GPHN: variants seen among roughly 807,000 people sequenced by gnomAD.
GPHN encodes gephyrin.
In GPHN, 17 loss-of-function variants were observed where a neutral mutation model predicts 95.5. The ratio of observed to expected loss-of-function variants is 0.18; its 90% CI spans 0.12 to 0.27. GPHN has a LOEUF of 0.27. Among genes scored for constraint, GPHN ranks in the 10% least tolerant of loss-of-function variants. The pLI is 1.00. For synonymous variants in GPHN, 320 were observed against 322.5 expected (o/e 0.99, Z 0.08); for missense variants, 660 against 978.1 (o/e 0.67, Z 4.34).
At chr14:66,732,573 A>G (rs1041210679) in intron 2 of GPHN, among the ~76,000 whole-genome samples, 10 of 152,226 alleles carry the variant, frequency 6.6e-5, no homozygotes, top group African/African-American at 1.7e-4. Context: ...CTGGAGTGCA[A>G]TGGCACAATC....
chr14:67,659,718 A>G, the GPHN span: 15 of 1,577,562 alleles, frequency 9.5e-6, no homozygotes, highest in Non-Finnish European at 1.1e-5. Context: ...CAAACAAAAC[A>G]GCTAAAACTT....
At chr14:67,592,668 T>A in the GPHN span, 19 of 1,608,998 alleles carry the variant, frequency 1.2e-5, no homozygotes, top group South Asian at 1.7e-4. Flanking sequence ...ATATCCCATG[T>A]GGTTCCACTG....
chr14:67,565,637 G>A, the GPHN span, among the ~76,000 whole-genome samples: 3 of 152,142 alleles, frequency 2.0e-5, no homozygotes, highest in South Asian at 6.2e-4. Context: ...TGATTCATGG[G>A]CAGACATCCC....
At chr14:67,360,008 G>A in the GPHN span, 16 of 531,186 alleles carry the variant, frequency 3.0e-5, no homozygotes, top group Middle Eastern at 4.8e-4. Context: ...CGCAATACGC[G>A]GCACGCGCCA....
intron 9 of GPHN, among the ~76,000 whole-genome samples, chr14:67,004,957 G>A (rs1170284363): frequency 2.6e-5 from 4 of 151,548 alleles, no homozygotes; most frequent in African/African-American, 7.3e-5. Flanking sequence ...TCATTTAATC[G>A]GCTTTATTGA....
At chr14:67,563,021 G>A in the GPHN span, 1 of 945,494 alleles carries the variant, frequency 1.1e-6, no homozygotes, top group South Asian at 1.7e-5. Flanking sequence ...CTGGCAGGCA[G>A]GTACCATGGA....
intron 1 of GPHN, among the ~76,000 whole-genome samples, chr14:66,542,391 T>G (rs2059383636): frequency 1.3e-5 from 2 of 152,230 alleles, no homozygotes; most frequent in Admixed American, 6.5e-5. Flanking sequence ...CTGATGATTT[T>G]GGTTCCTACC....
chr14:67,324,375 T>C, the GPHN span, among the ~76,000 whole-genome samples: 1 of 152,214 alleles, frequency 6.6e-6, no homozygotes, highest in Non-Finnish European at 1.5e-5. Flanking sequence ...ATATGTAAGA[T>C]GGTAACTCTG....
intron 1 of GPHN, among the ~76,000 whole-genome samples, chr14:66,553,816 C>T (rs1016343145): frequency 6.6e-6 from 1 of 152,126 alleles, no homozygotes; most frequent in Non-Finnish European, 1.5e-5. Flanking sequence ...ACCTCATGAT[C>T]CTCCTGCCTC....
intron 5 of GPHN, among the ~76,000 whole-genome samples, chr14:66,905,222 G>A (rs570459298): frequency 3.3e-5 from 5 of 151,924 alleles, no homozygotes; most frequent in African/African-American, 7.3e-5. Context: ...AGCTTCTAAC[G>A]AACTTTTCAG....
chr14:67,605,690 T>C, the GPHN span, among the ~76,000 whole-genome samples: 1 of 152,168 alleles, frequency 6.6e-6, no homozygotes, highest in African/African-American at 2.4e-5. Context: ...TCTCTCATAT[T>C]AATTTTTTTT....
chr14:67,733,765 G>A, the GPHN span: 1 of 1,613,230 alleles, frequency 6.2e-7, no homozygotes, highest in Non-Finnish European at 8.5e-7. Flanking sequence ...GAGGACCTGG[G>A]TGTCTCCAAG....
At chr14:67,354,963 G>A in the GPHN span, among the ~76,000 whole-genome samples, 15 of 152,144 alleles carry the variant, frequency 9.9e-5, no homozygotes, top group South Asian at 4.1e-4. Context: ...ACAGGCATGC[G>A]TCACCATGCC....
the GPHN span, among the ~76,000 whole-genome samples, chr14:67,300,830 G>T: frequency 3.3e-5 from 5 of 151,802 alleles, no homozygotes; most frequent in African/African-American, 1.2e-4. Flanking sequence ...CATCTTGTTA[G>T]ACTGTCAGTC....
chr14:67,650,473 C>G, the GPHN span: 5 of 520,504 alleles, frequency 9.6e-6, no homozygotes, highest in African/African-American at 1.9e-5. Context: ...GTTAGTTGAA[C>G]AGGGATGGTT....
At chr14:66,640,133 G>A (rs1337071085) in intron 1 of GPHN, among the ~76,000 whole-genome samples, 1 of 152,088 alleles carries the variant, frequency 6.6e-6, no homozygotes, top group East Asian at 1.9e-4. Context: ...CTAAGAAATG[G>A]TTTTGGGCTG....
the GPHN span, among the ~76,000 whole-genome samples, chr14:67,556,215 A>C: frequency 0.014 from 2,144 of 152,318 alleles, 59 homozygotes; most frequent in African/African-American, 0.049. Flanking sequence ...TCACTCAGGA[A>C]TCCAGGTTAA....
At chr14:67,606,968 C>A in the GPHN span, among the ~76,000 whole-genome samples, 513 of 152,182 alleles carry the variant, frequency 3.4e-3, 2 homozygotes, top group Non-Finnish European at 4.8e-3. Context: ...TTTTAAAAAG[C>A]CTGATATATT....
chr14:66,949,996 A>G (rs946817811), intron 8 of GPHN, among the ~76,000 whole-genome samples: 3 of 123,466 alleles, frequency 2.4e-5, no homozygotes, highest in African/African-American at 8.0e-5. Flanking sequence ...AGGACAGGAA[A>G]AAAAAAAAAA....
Sources: gnomAD v4.1 joint callset for allele counts (sites outside exome capture counted in the v4.1 genomes callset) on GRCh38, gnomAD v4.1.1 for gene constraint, MANE v1.5 for transcripts, NCBI Gene and HGNC (gene_info 2026-07-23, HGNC 2026-07-21) for gene names.